The following TIMM10 variants were observed in gnomAD, a reference collection of about 807,000 sequenced individuals.
TIMM10 encodes mitochondrial import inner membrane translocase subunit Tim10.
In TIMM10, 13 loss-of-function variants were observed where a neutral mutation model predicts 9.1. The observed-to-expected ratio is 1.42, with a 90% confidence interval of 0.93 to 2.26. TIMM10 has a LOEUF of 2.26. Ranked by LOEUF, TIMM10 falls within the 30% of genes most tolerant of loss-of-function variation. TIMM10 has a pLI of 0.00. For missense variants in TIMM10, 82 were observed against 113.6 expected (o/e 0.72, Z 1.26); for synonymous variants, 40 against 42.1 (o/e 0.95, Z 0.20).
At chr11:57,528,959 G>A (rs771771784) in intron 2 of TIMM10, 41 bp from the exon 3 acceptor site, 2 of 1,602,836 alleles carry the variant, frequency 1.2e-6, no homozygotes, top group Non-Finnish European at 8.5e-7. Flanking sequence ...GCAGCATCCT[G>A]TGACATCCCA....
In TIMM10 at chr11:57,530,181, A is replaced by G; in HGVS notation, c.9T>C (p.Pro3=). 1.2e-6 allele frequency: 2 copies of G among 1,614,104 alleles called. No homozygotes were observed. Among genetic ancestry groups the G allele is most frequent in the Non-Finnish European group, 1.7e-6 (2 of 1,179,990 alleles). The change falls in exon 2 of 3, where the codon CCT becomes CCC. Residue 3 remains proline, a synonymous_variant. Transcript: ENST00000257245. ...CCGCAGCCAGCTGTTGGGCCCTGAG[A>G]GGATCCATCTCAGCCTAGCACCGTG... The part of the protein sequence containing the change: MD[P]LRAQQLAAEL...
chr11:57,530,116 T>C lies in TIMM10; in HGVS notation c.71+3A>G, dbSNP rs759447388. The C allele has an allele frequency of 2.4e-5, 38 of 1,614,098 alleles. No individual in the cohort carries two copies. In the South Asian group the frequency reaches 3.6e-4, roughly 15 times the overall value. ...AGACAGGGTAGCACATAGTTCTCTT[T>C]ACCTGTTGTACATATCGGCCATCAT... On this transcript the variant is annotated splice_donor_region_variant and intron_variant, in intron 2 of 2. Transcript: ENST00000257245.
rs979306396 is a variant in TIMM10 at position 57,529,044 on chromosome 11, A to T, written c.72-126T>A. ...AAAGCAGTGTAAATCCTCAGTTTAC[A>T]CCTCAACCACTGGAAGGTCCTTGCA... On this transcript the variant is annotated intron_variant, in intron 2 of 2. Transcript: ENST00000257245. 18 of 978,438 alleles carry T rather than the reference A, an allele frequency of 1.8e-5. No homozygotes were observed. In the East Asian group the frequency reaches 4.7e-4, roughly 26 times the overall value. The allele number at this position is 978,438 out of a possible 1,614,324, so 60.6% of individuals were successfully genotyped here.
rs142829492 is a variant in TIMM10 at position 57,528,840 on chromosome 11, G to A, written c.150C>T (p.Cys50=). Residue 50 remains cysteine, a synonymous_variant, in exon 3 of 3, where the codon TGC becomes TGT. Transcript: ENST00000257245. ...GGTACTTAGAGACACATCGGTCCAG[G>A]CACACAGACTCGCCCTTGGAGAGCT... ...EAELSKGESV[C]LDRCVSKYLD... 1 of 1,614,038 alleles carries A rather than the reference G, an allele frequency of 6.2e-7. No individual in the cohort carries two copies. The highest frequency in any genetic ancestry group is 8.5e-7 in the Non-Finnish European group (1 of 1,180,020).
intron 1 of TIMM10, 80 bp downstream of exon 1, chr11:57,530,578 C>G (rs990964610): frequency 1.9e-5 from 4 of 213,340 alleles, no homozygotes; most frequent in Non-Finnish European, 3.9e-5. Flanking sequence ...GCGACCGGGA[C>G]CCAGCCCAAA....
chr11:57,528,923 A>G lies in TIMM10; in HGVS notation c.72-5T>C. 6.2e-7 allele frequency: 1 copy of G among 1,612,432 alleles called. No homozygotes were observed. Among genetic ancestry groups the G allele is most frequent in the Non-Finnish European group, 8.5e-7 (1 of 1,179,876 alleles). ...CGGTGGCAGGCACTGGTCATTCTGG[A>G]GGGAGGGAGGGGCAAGGTCATGTCA... On this transcript the variant is annotated splice_polypyrimidine_tract_variant and splice_region_variant and intron_variant, in intron 2 of 2. Transcript: ENST00000257245.
chr11:57,530,374 G>A (rs1009241483), intron 1 of TIMM10, 140 bp from the exon 2 acceptor site: 2 of 581,912 alleles, frequency 3.4e-6, no homozygotes, highest in Non-Finnish European at 6.2e-6. Flanking sequence ...CCATTTCACG[G>A]ATGTGGAAAC....
intron 2 of TIMM10, among the ~76,000 whole-genome samples, chr11:57,529,865 G>A (rs1565151316): frequency 6.6e-6 from 1 of 152,156 alleles, no homozygotes; most frequent in Non-Finnish European, 1.5e-5. Context: ...AACCTAACCA[G>A]AGCCTGGATT....
In TIMM10 at chr11:57,528,934, G is replaced by A. The variant is rs1313132570; in HGVS notation, c.72-16C>T. ...ACTGGTCATTCTGGAGGGAGGGAGG[G>A]GCAAGGTCATGTCAGCAGCATCCTG... On this transcript the variant is annotated splice_polypyrimidine_tract_variant and intron_variant, in intron 2 of 2. Transcript: ENST00000257245. The A allele has an allele frequency of 2.5e-6, 4 of 1,610,620 alleles. No individual in the cohort carries two copies. The highest frequency in any genetic ancestry group is 3.3e-5 in the Admixed American group (2 of 59,990).
At chr11:57,530,357 A>G in intron 1 of TIMM10, 123 bp from the exon 2 acceptor site, 1 of 610,082 alleles carries the variant, frequency 1.6e-6, no homozygotes, top group Non-Finnish European at 2.9e-6. Flanking sequence ...CAGTGAGCTT[A>G]ACCACCCCAT....
At chr11:57,530,536 G>A (rs982824808) in intron 1 of TIMM10, 122 bp downstream of exon 1, 16 of 283,104 alleles carry the variant, frequency 5.7e-5, no homozygotes, top group Non-Finnish European at 8.5e-5. Flanking sequence ...AACCTCCAGG[G>A]CCCTGGGAAT....
chr11:57,530,537 C>A (rs1034074493), intron 1 of TIMM10, 121 bp downstream of exon 1: 1 of 282,148 alleles, frequency 3.5e-6, no homozygotes, highest in Non-Finnish European at 7.1e-6. Context: ...ACCTCCAGGG[C>A]CCTGGGAATG....
chr11:57,529,612 C>A (rs1338784234), intron 2 of TIMM10, among the ~76,000 whole-genome samples: 1 of 152,184 alleles, frequency 6.6e-6, no homozygotes, highest in Non-Finnish European at 1.5e-5. Context: ...GCACTAGTTG[C>A]AGAATCAGAC....
chr11:57,530,072 G>C, intron 2 of TIMM10, 47 bp downstream of exon 2: 1 of 1,602,968 alleles, frequency 6.2e-7, no homozygotes, highest in Non-Finnish European at 8.5e-7. Context: ...CGATAAGGGT[G>C]ACCAAGACTT....
At chr11:57,529,211 T>C (rs1944776916) in intron 2 of TIMM10, among the ~76,000 whole-genome samples, 1 of 152,220 alleles carries the variant, frequency 6.6e-6, no homozygotes, top group East Asian at 1.9e-4. Flanking sequence ...AAGAGACATG[T>C]ATCCCCATTT....
chr11:57,530,395 C>T, intron 1 of TIMM10, 161 bp from the exon 2 acceptor site: 1 of 555,122 alleles, frequency 1.8e-6, no homozygotes, highest in Non-Finnish European at 3.3e-6. Flanking sequence ...TGAGGCCTAG[C>T]CCAAGGTCGC....
At position 57,530,708 on chromosome 11, in the gene TIMM10, A is replaced by T. The variant is rs1944790511; in HGVS notation, c.-96T>A. The T allele has an allele frequency of 6.5e-6, 1 of 153,314 alleles. No individual in the cohort carries two copies. Among genetic ancestry groups the T allele is most frequent in the Admixed American group, 6.5e-5 (1 of 15,388 alleles). 9.5% of individuals were successfully genotyped at this position (153,314 alleles called of 1,614,324 possible). A position where few individuals can be genotyped will look rare whatever the true frequency, so the allele number is the denominator to read the frequency against. Reference sequence around the variant, plus strand: ...CCACGGAGACCCCAACTTCTGACAAATACTATAACGTTACCCGCCTCCCGA... The same window carrying T: ...CCACGGAGACCCCAACTTCTGACAATTACTATAACGTTACCCGCCTCCCGA... On this transcript the variant is annotated 5_prime_UTR_variant, in exon 1 of 3. Coordinates refer to ENST00000257245, the MANE Select transcript of TIMM10 (RefSeq NM_012456.3).
chr11:57,528,486 TATATATA>T lies in TIMM10; in HGVS notation c.*224_*230del, dbSNP rs1944769831. On this transcript the variant is annotated 3_prime_UTR_variant, in exon 3 of 3. Coordinates refer to ENST00000257245, the MANE Select transcript of TIMM10 (RefSeq NM_012456.3). ...TAGTAGGTGTCAACAAACTTGTTTA[TATATATA>T]TATATATATATATATATATATATAC... is the stretch of plus-strand genomic sequence containing the variant. 33 of 5,876 alleles carry T rather than the reference TATATATA, an allele frequency of 5.6e-3. No homozygotes were observed. Among genetic ancestry groups the T allele is most frequent in the East Asian group, 9.6e-3 (1 of 104 alleles). The allele number at this position is 5,876 out of a possible 1,614,324, so 0.4% of individuals were successfully genotyped here.
Position 57,528,705 on chromosome 11 carries a change from C to A in TIMM10, c.*12G>T. The A allele has an allele frequency of 6.2e-7, 1 of 1,613,194 alleles. No homozygotes were observed. Among genetic ancestry groups the A allele is most frequent in the African/African-American group, 1.3e-5 (1 of 75,004 alleles). Reference sequence around the variant, plus strand: ...GGTGGGGTACACCCCAGGGTGTATACTGACAGGGACCTCATGCAGGCCCAG... The same window carrying A: ...GGTGGGGTACACCCCAGGGTGTATAATGACAGGGACCTCATGCAGGCCCAG... On this transcript the variant is annotated 3_prime_UTR_variant, in exon 3 of 3. Coordinates refer to ENST00000257245, the MANE Select transcript of TIMM10 (RefSeq NM_012456.3).
Sources: gnomAD v4.1 joint callset for allele counts (sites outside exome capture counted in the v4.1 genomes callset) on GRCh38, gnomAD v4.1.1 for gene constraint, MANE v1.5 for transcripts, NCBI Gene and HGNC (gene_info 2026-07-23, HGNC 2026-07-21) for gene names.